Variants in CTNNA3 observed in about 807,000 individuals in gnomAD.
CTNNA3 encodes catenin alpha 3.
CTNNA3 carries 76 observed loss-of-function variants against 95.7 expected under a neutral mutation model. The observed-to-expected ratio is 0.79, with a 90% CI of 0.66 to 0.96. CTNNA3 has a LOEUF of 0.96. Among genes scored for constraint, CTNNA3 ranks in the 40% least tolerant of loss-of-function variants. CTNNA3 has a pLI of 0.00. For synonymous variants in CTNNA3, 431 were observed against 374.4 expected (o/e 1.15, Z -1.74); for missense variants, 1,191 against 1,089.8 (o/e 1.09, Z -1.31).
At chr10:66,893,772 T>A (rs1157033424) in intron 7 of CTNNA3, among the ~76,000 whole-genome samples, 1 of 152,166 alleles carries the variant, frequency 6.6e-6, no homozygotes, top group Admixed American at 6.5e-5. Flanking sequence ...TCTGGCTACA[T>A]ACTAAGTCCT....
chr10:66,662,034 C>A (rs1846282304), intron 9 of CTNNA3, among the ~76,000 whole-genome samples: 1 of 152,104 alleles, frequency 6.6e-6, no homozygotes, highest in Admixed American at 6.6e-5. Context: ...GTTCTGGATG[C>A]CGCAAGTGAC....
At chr10:66,399,630 C>G (rs1227114489) in intron 11 of CTNNA3, among the ~76,000 whole-genome samples, 2 of 151,894 alleles carry the variant, frequency 1.3e-5, no homozygotes, top group African/African-American at 4.8e-5. Flanking sequence ...ATGCAAAATT[C>G]CTTTGTTCCT....
chr10:67,655,117 C>A (rs886542974), intron 1 of CTNNA3, among the ~76,000 whole-genome samples: 34 of 152,178 alleles, frequency 2.2e-4, no homozygotes, highest in African/African-American at 7.7e-4. Flanking sequence ...TCTTTCTATG[C>A]CCTGATTATT....
rs561552884 is a variant in CTNNA3, at chr10:65,965,393, C to CTTTT, written c.2400+1215_2400+1218dup. ...GTCACTATTTGTTTCCTCCCCTCTA[C>CTTTT]TTTTTTTTTTTTTTTTTTTTTTTTT... is the stretch of plus-strand genomic sequence containing the variant. On this transcript the variant is annotated intron_variant, in intron 17 of 17. Coordinates refer to ENST00000433211, the MANE Select transcript of CTNNA3 (RefSeq NM_013266.4). Among the ~76,000 whole-genome samples, 453 of 77,634 alleles carry CTTTT rather than the reference C, an allele frequency of 5.8e-3. 68 individuals are homozygous for CTTTT. Among genetic ancestry groups the CTTTT allele is most frequent in the African/African-American group, 0.023 (432 of 19,020 alleles). 50.9% of individuals were successfully genotyped at this position (77,634 alleles called of 152,430 possible). A position where few individuals can be genotyped will look rare whatever the true frequency, so the allele number is the denominator to read the frequency against.
intron 11 of CTNNA3, among the ~76,000 whole-genome samples, chr10:66,477,112 T>C (rs1413719267): frequency 6.6e-6 from 1 of 152,120 alleles, no homozygotes; most frequent in Non-Finnish European, 1.5e-5. Flanking sequence ...ATCTATGACA[T>C]TAATGTCAGT....
chr10:66,035,529 A>C (rs933852180), intron 15 of CTNNA3, among the ~76,000 whole-genome samples: 7 of 131,190 alleles, frequency 5.3e-5, no homozygotes, highest in African/African-American at 2.0e-4. Context: ...AATAGAGGGA[A>C]TGAGGGTATT....
chr10:66,442,358 T>C (rs1395858187), intron 11 of CTNNA3, among the ~76,000 whole-genome samples: 1 of 152,140 alleles, frequency 6.6e-6, no homozygotes, highest in Non-Finnish European at 1.5e-5. Context: ...TTAGGTTTTT[T>C]TTTCCTAAAG....
At chr10:67,400,333 T>C (rs1020405868) in intron 5 of CTNNA3, among the ~76,000 whole-genome samples, 1 of 152,216 alleles carries the variant, frequency 6.6e-6, no homozygotes, top group Non-Finnish European at 1.5e-5. Flanking sequence ...CTCCAATATT[T>C]TGAATAGATT....
intron 5 of CTNNA3, among the ~76,000 whole-genome samples, chr10:67,287,200 T>C (rs560615590): frequency 6.6e-6 from 1 of 152,156 alleles, no homozygotes; most frequent in East Asian, 1.9e-4. Flanking sequence ...TAGCCGGGCA[T>C]GGTGGTACAC....
intron 7 of CTNNA3, among the ~76,000 whole-genome samples, chr10:67,137,414 C>G (rs1334068171): frequency 6.6e-6 from 1 of 152,030 alleles, no homozygotes; most frequent in Admixed American, 6.6e-5. Flanking sequence ...AACTATTAAC[C>G]TTTACACTTG....
chr10:66,226,110 T>C (rs1207272692), intron 13 of CTNNA3, among the ~76,000 whole-genome samples: 2 of 152,228 alleles, frequency 1.3e-5, no homozygotes, highest in Non-Finnish European at 2.9e-5. Flanking sequence ...ATAGCCTATG[T>C]TTTTGAACTC....
chr10:66,772,947 C>A (rs765790571), intron 8 of CTNNA3, among the ~76,000 whole-genome samples: 3 of 152,132 alleles, frequency 2.0e-5, no homozygotes, highest in Non-Finnish European at 4.4e-5. Flanking sequence ...CAAAGAAAAA[C>A]ATTTTAAGGG....
At chr10:67,671,673 T>C (rs1288485107) in intron 1 of CTNNA3, among the ~76,000 whole-genome samples, 3 of 151,818 alleles carry the variant, frequency 2.0e-5, no homozygotes, top group South Asian at 4.2e-4. Context: ...TCCATGTCCC[T>C]ACAAAGGACA....
At chr10:66,498,162 A>G (rs1256725083) in intron 11 of CTNNA3, among the ~76,000 whole-genome samples, 2 of 152,114 alleles carry the variant, frequency 1.3e-5, no homozygotes, top group Non-Finnish European at 2.9e-5. Context: ...TCTGACAATG[A>G]CAACGAAATC....
At chr10:66,052,387 A>C (rs1175033674) in intron 15 of CTNNA3, among the ~76,000 whole-genome samples, 1 of 152,126 alleles carries the variant, frequency 6.6e-6, no homozygotes, top group African/African-American at 2.4e-5. Context: ...GTGAGTACTT[A>C]CTTGAAATGA....
At chr10:66,233,323 C>G (rs1270599546) in intron 13 of CTNNA3, among the ~76,000 whole-genome samples, 1 of 151,894 alleles carries the variant, frequency 6.6e-6, no homozygotes, top group East Asian at 1.9e-4. Flanking sequence ...AAGGGAACAT[C>G]TAATTGATGT....
chr10:67,757,567 A>G (rs185071104), intron 1 of CTNNA3, among the ~76,000 whole-genome samples: 3 of 152,308 alleles, frequency 2.0e-5, no homozygotes, highest in Admixed American at 2.0e-4. Context: ...GAGTGTTCCG[A>G]CTTTCATCTT....
At chr10:66,926,564 A>G (rs765377465) in intron 7 of CTNNA3, 2 of 1,613,738 alleles carry the variant, frequency 1.2e-6, no homozygotes, top group Non-Finnish European at 8.5e-7. Flanking sequence ...CCTAAGGACG[A>G]CCTTTGAACA....
intron 1 of CTNNA3, among the ~76,000 whole-genome samples, chr10:67,741,665 T>A (rs1336552779): frequency 2.6e-5 from 4 of 151,154 alleles, no homozygotes; most frequent in Non-Finnish European, 5.9e-5. Context: ...AATATTAACC[T>A]TAAATGTAAA....
Sources: gnomAD v4.1 joint callset for allele counts (sites outside exome capture counted in the v4.1 genomes callset) on GRCh38, gnomAD v4.1.1 for gene constraint, MANE v1.5 for transcripts, NCBI Gene and HGNC (gene_info 2026-07-23, HGNC 2026-07-21) for gene names.